The following USP22 variants were observed in gnomAD, a reference collection of about 807,000 sequenced individuals.
USP22 encodes ubiquitin specific peptidase 22.
A neutral mutation model predicts 68.1 loss-of-function variants in USP22; 22 were observed. That is an observed-to-expected ratio of 0.32 (90% CI 0.23 to 0.46). The LOEUF is 0.46. Ranked by LOEUF, USP22 falls within the 20% of genes least tolerant of loss-of-function variation. The pLI is 1.00. For synonymous variants in USP22, 279 were observed against 274.2 expected (o/e 1.02, Z -0.17); for missense variants, 433 against 695.8 (o/e 0.62, Z 4.25).
Position 21,001,593 on chromosome 17 carries a change from T to C in USP22, c.*1438A>G, listed in dbSNP as rs564192942. The C allele has an allele frequency of 6.6e-6, 1 of 152,358 alleles. No individual in the cohort carries two copies. Among genetic ancestry groups the C allele is most frequent in the African/African-American group, 2.4e-5 (1 of 41,578 alleles). The allele number at this position is 152,358 out of a possible 1,614,324, so 9.4% of individuals were successfully genotyped here. A position where few individuals can be genotyped will look rare whatever the true frequency, so the allele number is the denominator to read the frequency against. The stretch of plus-strand genomic sequence containing the variant: ...TACAGCCCACAGAGCCAACAGTGTT[T>C]ACTCCCTGGCTGTCTATGAAAACAT... On this transcript the variant is annotated 3_prime_UTR_variant, in exon 13 of 13. Coordinates refer to ENST00000261497, the MANE Select transcript of USP22 (RefSeq NM_015276.2).
Position 21,028,509 on chromosome 17 carries a change from C to A in USP22, c.304+33G>T, listed in dbSNP as rs200325135. ...TCAAAGAGTAGCAATTTGGGGGCCA[C>A]AACTATCCCCCCATCCCAGAAGCTC... On this transcript the variant is annotated intron_variant, in intron 2 of 12. Transcript: ENST00000261497. 1,363 of 1,609,034 alleles carry A rather than the reference C, an allele frequency of 8.5e-4. 1 individual carries two copies. The highest frequency in any genetic ancestry group is 1.0e-3 in the Non-Finnish European group (1,230 of 1,177,464).
chr17:21,013,419 C>T lies in USP22; in HGVS notation c.839-484G>A, dbSNP rs577507494. On this transcript the variant is annotated intron_variant, in intron 6 of 12. Coordinates refer to ENST00000261497, the MANE Select transcript of USP22 (RefSeq NM_015276.2). ...ATCAGCTAGAGCCCCCAGGGGACAG[C>T]GTGTCTTCCAGTCAGTTGCATCTGG... Among the ~76,000 whole-genome samples, 13 of 152,268 alleles carry T rather than the reference C, an allele frequency of 8.5e-5. 1 individual carries two copies. The East Asian group carries it at 2.3e-3, about 27-fold the overall frequency.
intron 1 of USP22, among the ~76,000 whole-genome samples, chr17:21,039,429 T>G (rs1972399050): frequency 6.6e-6 from 1 of 151,318 alleles, no homozygotes; most frequent in African/African-American, 2.4e-5. Flanking sequence ...AATACAAAAT[T>G]AGCCAGGCAT....
At chr17:21,041,126 G>GC (rs1250332694) in intron 1 of USP22, among the ~76,000 whole-genome samples, 35 of 151,442 alleles carry the variant, frequency 2.3e-4, no homozygotes, top group East Asian at 7.8e-4. Flanking sequence ...CTCGTGATCT[G>GC]CCCCCCTCGG....
intron 2 of USP22, among the ~76,000 whole-genome samples, 170 bp downstream of exon 2, chr17:21,028,372 G>A (rs146635272): frequency 1.3e-4 from 20 of 152,288 alleles, no homozygotes; most frequent in African/African-American, 4.3e-4. Flanking sequence ...ACGCGATTCA[G>A]CTGAGCTCGG....
intron 7 of USP22, among the ~76,000 whole-genome samples, chr17:21,012,557 G>A (rs1221353988): frequency 3.3e-5 from 5 of 152,004 alleles, no homozygotes; most frequent in African/African-American, 4.8e-5. Context: ...GATGCAAAAT[G>A]GTAGGGGAAG....
chr17:21,037,622 C>G (rs1972373826), intron 1 of USP22, among the ~76,000 whole-genome samples: 1 of 152,128 alleles, frequency 6.6e-6, no homozygotes, highest in Admixed American at 6.5e-5. Context: ...AACAGGACAG[C>G]CTGAGAAACT....
chr17:21,006,926 T>A lies in USP22; in HGVS notation c.1292A>T (p.Glu431Val). 6.2e-7 allele frequency: 1 copy of A among 1,609,446 alleles called. No individual in the cohort carries two copies. Among genetic ancestry groups the A allele is most frequent in the Non-Finnish European group, 8.5e-7 (1 of 1,177,706 alleles). The change falls in exon 10 of 13, where the codon GAG (glutamate) becomes GTG (valine). Residue 431 changes from glutamate to valine, a missense_variant. Around this residue, in one of 4 missense-constraint regions of USP22, gnomAD observed 178 missense variants for 351.5 expected, o/e 0.51. Transcript: ENST00000261497. ...GGCCATGAAAGGGGTCATGTCCAGC[T>A]CCAGGGGGAAGGACACATACGTGGT... ...KITTYVSFPL[E>V]LDMTPFMASS...
At position 21,003,393 on chromosome 17, in the gene USP22, C is replaced by T. The variant is rs542473339; in HGVS notation, c.1536-320G>A. On this transcript the variant is annotated intron_variant, in intron 12 of 12. Transcript: ENST00000261497. Reference sequence around the variant, plus strand: ...AGAGCCCACTGTTTTCAAGTGGCTCCGTCCAGATCCACCTCATCGCCCTGA... The same window carrying T: ...AGAGCCCACTGTTTTCAAGTGGCTCTGTCCAGATCCACCTCATCGCCCTGA... Among the ~76,000 whole-genome samples the T allele has an allele frequency of 9.2e-5, 14 of 152,306 alleles. No homozygotes were observed. In the South Asian group the frequency reaches 1.9e-3, roughly 20 times the overall value.
chr17:21,003,712 G>A (rs2143504291), intron 12 of USP22, among the ~76,000 whole-genome samples: 1 of 152,216 alleles, frequency 6.6e-6, no homozygotes, highest in South Asian at 2.1e-4. Flanking sequence ...AACCAGCCTG[G>A]TCAACATGGT....
chr17:21,011,463 G>A, intron 7 of USP22, 154 bp from the exon 8 acceptor site: 2 of 979,736 alleles, frequency 2.0e-6, no homozygotes, highest in Non-Finnish European at 3.0e-6. Flanking sequence ...GAGCAGCAGT[G>A]CTCACACCCA....
At chr17:21,016,030 T>C (rs745778023) in intron 5 of USP22, 131 bp from the exon 6 acceptor site, 9 of 1,219,012 alleles carry the variant, frequency 7.4e-6, no homozygotes, top group South Asian at 3.4e-5. Context: ...GTTTGGATTT[T>C]ACTTTTCTAC....
At chr17:21,015,470 A>C (rs902065971) in intron 6 of USP22, among the ~76,000 whole-genome samples, 12 of 152,220 alleles carry the variant, frequency 7.9e-5, no homozygotes, top group African/African-American at 2.9e-4. Context: ...GCACAGGCCC[A>C]AGAGGGCTCC....
At chr17:21,039,447 C>T (rs1262807321) in intron 1 of USP22, among the ~76,000 whole-genome samples, 1 of 151,964 alleles carries the variant, frequency 6.6e-6, no homozygotes, top group African/African-American at 2.4e-5. Context: ...CATGGTGGCG[C>T]ATGCCTGTAA....
intron 2 of USP22, among the ~76,000 whole-genome samples, chr17:21,022,401 T>C (rs563980410): frequency 1.3e-5 from 2 of 152,302 alleles, no homozygotes; most frequent in East Asian, 1.9e-4. Context: ...TAAAATAAAA[T>C]AGGACTAATA....
intron 1 of USP22, among the ~76,000 whole-genome samples, chr17:21,037,366 A>T (rs1242305635): frequency 6.6e-6 from 1 of 152,220 alleles, no homozygotes; most frequent in Non-Finnish European, 1.5e-5. Context: ...GGAGGGAAAG[A>T]GTCACTCCAC....
intron 3 of USP22, among the ~76,000 whole-genome samples, chr17:21,020,557 A>G (rs1972144586): frequency 6.6e-6 from 1 of 152,172 alleles, no homozygotes; most frequent in South Asian, 2.1e-4. Context: ...GTTGACATGG[A>G]TTTAACATCA....
chr17:21,030,422 G>A (rs1156386330), intron 1 of USP22, among the ~76,000 whole-genome samples: 4 of 152,052 alleles, frequency 2.6e-5, no homozygotes. Context: ...ATGCACACGT[G>A]TACTTGTGTA....
chr17:21,042,625 A>C (rs969323648), intron 1 of USP22, 40 bp downstream of exon 1: 7 of 1,256,364 alleles, frequency 5.6e-6, no homozygotes, highest in Non-Finnish European at 7.0e-6. Context: ...GGAGCGGCAG[A>C]AGGCCCCGAG....
Sources: gnomAD v4.1 joint callset for allele counts (sites outside exome capture counted in the v4.1 genomes callset) on GRCh38, gnomAD v4.1.1 for gene constraint, gnomAD v4.1.1 regional missense constraint, MANE v1.5 for transcripts, NCBI Gene and HGNC (gene_info 2026-07-23, HGNC 2026-07-21) for gene names.